CRYBG3: variants seen among roughly 807,000 people sequenced by gnomAD.
CRYBG3 encodes very large A-kinase anchor protein.
A neutral mutation model predicts 244.2 loss-of-function variants in CRYBG3; 127 were observed. The ratio of observed to expected loss-of-function variants is 0.52; its 90% confidence interval spans 0.45 to 0.60. The LOEUF is 0.60. CRYBG3 is among the 20% of genes least tolerant of loss of function. The pLI, the probability that CRYBG3 is intolerant of heterozygous loss-of-function variation, is 0.00. For synonymous variants in CRYBG3, 1,132 were observed against 1,195.8 expected (o/e 0.95, Z 1.10); for missense variants, 3,325 against 3,442.5 (o/e 0.97, Z 0.85).
At chr3:97,857,216 C>T (rs2039078013) in intron 2 of CRYBG3, among the ~76,000 whole-genome samples, 1 of 151,750 alleles carries the variant, frequency 6.6e-6, no homozygotes, top group Admixed American at 6.6e-5. Context: ...AGTGTTATTC[C>T]ATTGTGGTCA....
rs1352456230 is a variant in CRYBG3 at position 97,874,770 on chromosome 3, C to G, written c.3576C>G (p.Leu1192=). 6.5e-7 allele frequency: 1 copy of G among 1,535,936 alleles called. No individual in the cohort carries two copies. The highest frequency in any genetic ancestry group is 8.7e-7 in the Non-Finnish European group (1 of 1,146,858). The change falls in exon 4 of 22, where the codon CTC becomes CTG. Residue 1192 remains leucine, a synonymous_variant. Coordinates refer to ENST00000389622, the MANE Select transcript of CRYBG3 (RefSeq NM_153605.4). ...RRRAHDQLLD[L]KSSLLKKADT... ...GAGCACATGACCAACTTTTGGACCT[C>G]AAAAGTAGTTTACTCAAAAAGGCCG...
chr3:97,822,136 G>A lies in CRYBG3; in HGVS notation c.-71G>A. 1 of 1,329,326 alleles carries A rather than the reference G, an allele frequency of 7.5e-7. No individual in the cohort carries two copies. Among genetic ancestry groups the A allele is most frequent in the Non-Finnish European group, 9.7e-7 (1 of 1,028,090 alleles). 82.3% of individuals were successfully genotyped at this position (1,329,326 alleles called of 1,614,324 possible). On this transcript the variant is annotated 5_prime_UTR_variant, in exon 1 of 22. Coordinates refer to ENST00000389622, the MANE Select transcript of CRYBG3 (RefSeq NM_153605.4). ...TAGCCGCATCCCGCGGCGCCCGGTC[G>A]GGCTCCGGGCACCAGGCAACACCTA...
Position 97,943,211 on chromosome 3 carries a change from G to A in CRYBG3, c.8825-15G>A, listed in dbSNP as rs2107117362. ...CCTGAACAAATAATCTTTTCTTTTG[G>A]AATTTCTATTTTAGGAGGAAATTAT... is the stretch of plus-strand genomic sequence containing the variant. On this transcript the variant is annotated splice_polypyrimidine_tract_variant and intron_variant, in intron 21 of 21. Transcript: ENST00000389622. 6.9e-7 allele frequency: 1 copy of A among 1,456,102 alleles called. No individual in the cohort carries two copies. The highest frequency in any genetic ancestry group is 9.5e-7 in the Non-Finnish European group (1 of 1,048,694). 90.2% of individuals were successfully genotyped at this position (1,456,102 alleles called of 1,614,324 possible). A position where few individuals can be genotyped will look rare whatever the true frequency, so the allele number is the denominator to read the frequency against.
chr3:97,883,764 A>G (rs2039477015), intron 7 of CRYBG3, among the ~76,000 whole-genome samples: 1 of 152,210 alleles, frequency 6.6e-6, no homozygotes. Flanking sequence ...TAAATATTTT[A>G]CAAAGTAATA....
At chr3:97,882,973 A>G (rs2039467963) in intron 7 of CRYBG3, among the ~76,000 whole-genome samples, 1 of 152,160 alleles carries the variant, frequency 6.6e-6, no homozygotes, top group African/African-American at 2.4e-5. Flanking sequence ...AGGTTGCTTA[A>G]AGACTCGGGG....
chr3:97,877,694 G>C lies in CRYBG3; in HGVS notation c.6500G>C (p.Ser2167Thr). The change falls in exon 4 of 22, where the codon AGT (serine) becomes ACT (threonine). Residue 2167 changes from serine (S) to threonine (T), a missense_variant. Around this residue, in one of 4 missense-constraint regions of CRYBG3, gnomAD observed 450 missense variants for 424.1 expected, o/e 1.06. Coordinates refer to ENST00000389622, the MANE Select transcript of CRYBG3 (RefSeq NM_153605.4). ...VLHKGDLRAGSGERVTFQLPD... is the reference protein window; with the variant it reads ...VLHKGDLRAGTGERVTFQLPD... ...CATAAAGGAGATCTGAGAGCTGGAA[G>C]TGGGGAGCGTGTTACCTTCCAGTTG... The C allele has an allele frequency of 6.2e-7, 1 of 1,614,108 alleles. No individual in the cohort carries two copies. Among genetic ancestry groups the C allele is most frequent in the Admixed American group, 1.7e-5 (1 of 60,004 alleles).
At chr3:97,832,546 T>TA (rs1398071994) in intron 1 of CRYBG3, among the ~76,000 whole-genome samples, 1 of 152,120 alleles carries the variant, frequency 6.6e-6, no homozygotes, top group African/African-American at 2.4e-5. Context: ...ACCCCTTCCT[T>TA]ACACTGTGTA....
intron 1 of CRYBG3, among the ~76,000 whole-genome samples, chr3:97,839,337 G>A (rs2108165640): frequency 6.6e-6 from 1 of 152,072 alleles, no homozygotes; most frequent in Admixed American, 6.5e-5. Context: ...TTTGTACTAA[G>A]CAAACATCTG....
At chr3:97,859,388 C>T (rs1439002759) in intron 2 of CRYBG3, among the ~76,000 whole-genome samples, 1 of 152,128 alleles carries the variant, frequency 6.6e-6, no homozygotes, top group African/African-American at 2.4e-5. Flanking sequence ...TGCCACAGCA[C>T]CCATCACATG....
chr3:97,830,366 C>T (rs1366940145), intron 1 of CRYBG3, among the ~76,000 whole-genome samples: 1 of 152,060 alleles, frequency 6.6e-6, no homozygotes, highest in Non-Finnish European at 1.5e-5. Context: ...CTGTGTCTTC[C>T]TGTAATTTGT....
At position 97,875,156 on chromosome 3, in the gene CRYBG3, G is replaced by T; in HGVS notation, c.3962G>T (p.Arg1321Ile). The change falls in exon 4 of 22, where the codon AGA (arginine) becomes ATA (isoleucine). Residue 1321 changes from arginine to isoleucine, a missense_variant. Transcript: ENST00000389622. The part of the protein sequence containing the change: ...EIIYVAQEKL[R>I]NDTFEDTEDT... ...ATTTATGTAGCCCAAGAAAAATTGA[G>T]AAATGATACTTTTGAAGATACTGAG... 6.5e-7 allele frequency: 1 copy of T among 1,535,286 alleles called. No homozygotes were observed. The highest frequency in any genetic ancestry group is 8.7e-7 in the Non-Finnish European group (1 of 1,146,438).
At chr3:97,888,797 GT>G (rs2039539178) in intron 9 of CRYBG3, among the ~76,000 whole-genome samples, 1 of 152,158 alleles carries the variant, frequency 6.6e-6, no homozygotes, top group Non-Finnish European at 1.5e-5. Flanking sequence ...CAGAATTGGG[GT>G]TTTTGTAAGG....
intron 1 of CRYBG3, among the ~76,000 whole-genome samples, chr3:97,827,128 G>A (rs894088522): frequency 6.6e-6 from 1 of 152,178 alleles, no homozygotes; most frequent in Non-Finnish European, 1.5e-5. Context: ...CTGGATAGAG[G>A]CAGAAAAGGG....
chr3:97,823,697 G>C (rs951578855), intron 1 of CRYBG3, among the ~76,000 whole-genome samples: 2 of 152,198 alleles, frequency 1.3e-5, no homozygotes, highest in African/African-American at 2.4e-5. Context: ...TGCCACCGCC[G>C]TAACAGCACT....
chr3:97,896,114 C>T lies in CRYBG3; in HGVS notation c.7701+29C>T, dbSNP rs745984182. The T allele has an allele frequency of 3.2e-6, 5 of 1,571,574 alleles. No individual in the cohort carries two copies. The Admixed American group carries it at 9.7e-5, about 30-fold the overall frequency. ...AGTTAGCTTCCTTATCCTTAATTTT[C>T]TACCTTTTAAAAAATCTGTTCACAA... On this transcript the variant is annotated intron_variant, in intron 12 of 21. Coordinates refer to ENST00000389622, the MANE Select transcript of CRYBG3 (RefSeq NM_153605.4).
rs1007020345 is a variant in CRYBG3 at position 97,876,506 on chromosome 3, A to G, written c.5312A>G (p.Lys1771Arg). The G allele has an allele frequency of 8.1e-7, 1 of 1,232,216 alleles. No individual in the cohort carries two copies. Among genetic ancestry groups the G allele is most frequent in the Non-Finnish European group, 1.0e-6 (1 of 988,002 alleles). 76.3% of individuals were successfully genotyped at this position (1,232,216 alleles called of 1,614,324 possible). ...GTAAATACTTACCAAAAAAATGCCA[A>G]AGGTTTTACCGGGAACACTGAAGGG... ...EVVNTYQKNA[K>R]GFTGNTEGSV... The change falls in exon 4 of 22, where the codon AAA becomes AGA. Residue 1771 changes from lysine (K) to arginine (R), a missense_variant. Physicochemically the swap from Lys to Arg is conservative, Grantham distance 26. Coordinates refer to ENST00000389622, the MANE Select transcript of CRYBG3 (RefSeq NM_153605.4).
chr3:97,894,707 C>T (rs921968188), intron 11 of CRYBG3, among the ~76,000 whole-genome samples: 5 of 151,126 alleles, frequency 3.3e-5, no homozygotes, highest in African/African-American at 1.2e-4. Context: ...ATTTTTTTTC[C>T]CATTCAGATA....
chr3:97,925,735 CTA>C (rs768294974), intron 17 of CRYBG3, among the ~76,000 whole-genome samples: 53 of 151,762 alleles, frequency 3.5e-4, no homozygotes, highest in Non-Finnish European at 6.2e-4. Context: ...TCTGTATTTG[CTA>C]TGTTTTATTT....
intron 17 of CRYBG3, among the ~76,000 whole-genome samples, chr3:97,918,244 T>C (rs2039948012): frequency 6.6e-6 from 1 of 152,200 alleles, no homozygotes. Context: ...TAAGATTTCA[T>C]CTTCATAGAA....
Sources: allele counts gnomAD v4.1 joint callset (sites outside exome capture counted in the v4.1 genomes callset), GRCh38; gene constraint gnomAD v4.1.1; regional missense constraint gnomAD v4.1.1; transcripts MANE v1.5; gene names NCBI Gene and HGNC (gene_info 2026-07-23, HGNC 2026-07-21).